The following RIGI variants were observed in gnomAD, a reference collection of about 807,000 sequenced individuals.
RIGI encodes antiviral innate immune response receptor RIG-I.
the RIGI span, among the ~76,000 whole-genome samples, chr9:32,507,490 TAAAC>T: frequency 6.6e-6 from 1 of 152,308 alleles, no homozygotes; most frequent in Non-Finnish European, 1.5e-5. Context: ...TAATATTTAA[TAAAC>T]AAAGATTTAT....
At chr9:32,459,538 A>T in the RIGI span, 1 of 1,598,554 alleles carries the variant, frequency 6.3e-7, no homozygotes, top group Admixed American at 1.8e-5. Context: ...AAAGACCGCA[A>T]ATGTAATTTG....
At chr9:32,483,511 C>T in the RIGI span, among the ~76,000 whole-genome samples, 1 of 152,174 alleles carries the variant, frequency 6.6e-6, no homozygotes, top group East Asian at 1.9e-4. Flanking sequence ...CACCGTCTCT[C>T]CATCCTTCTG....
chr9:32,490,847 C>T, the RIGI span, among the ~76,000 whole-genome samples: 2,264 of 152,284 alleles, frequency 0.015, 74 homozygotes, highest in African/African-American at 0.053. Flanking sequence ...TGGATCTCAG[C>T]CCCTACTCAA....
At chr9:32,489,273 T>C in the RIGI span, 1 of 1,060,656 alleles carries the variant, frequency 9.4e-7, no homozygotes, top group Non-Finnish European at 1.4e-6. Context: ...GCCCATTCTG[T>C]CCCAGTATTC....
chr9:32,457,844 G>T, the RIGI span, among the ~76,000 whole-genome samples: 1 of 152,296 alleles, frequency 6.6e-6, no homozygotes, highest in Admixed American at 6.5e-5. Context: ...GAAGGTCAGG[G>T]ACTAATGTGT....
chr9:32,502,705 C>T, the RIGI span, among the ~76,000 whole-genome samples: 1 of 152,320 alleles, frequency 6.6e-6, no homozygotes, highest in East Asian at 1.9e-4. Context: ...ATTCCTTGCC[C>T]TTCCGGTTTC....
chr9:32,479,019 C>A, the RIGI span, among the ~76,000 whole-genome samples: 1 of 152,202 alleles, frequency 6.6e-6, no homozygotes, highest in Admixed American at 6.5e-5. Context: ...GCATCACTGG[C>A]AAACGAGTGA....
At chr9:32,458,487 C>T in the RIGI span, among the ~76,000 whole-genome samples, 1 of 152,152 alleles carries the variant, frequency 6.6e-6, no homozygotes, top group Non-Finnish European at 1.5e-5. Flanking sequence ...TTTCTCTTGA[C>T]AATGACAATG....
At chr9:32,470,545 CAA>C in the RIGI span, among the ~76,000 whole-genome samples, 3 of 152,070 alleles carry the variant, frequency 2.0e-5, no homozygotes, top group Non-Finnish European at 4.4e-5. Context: ...ATTCTCAGCT[CAA>C]GAGTCATTCA....
chr9:32,478,989 A>G, the RIGI span, among the ~76,000 whole-genome samples: 1 of 152,244 alleles, frequency 6.6e-6, no homozygotes, highest in Non-Finnish European at 1.5e-5. Context: ...ACTATTATAC[A>G]GTTCAGCAAA....
chr9:32,514,599 T>G, the RIGI span, among the ~76,000 whole-genome samples: 54 of 152,146 alleles, frequency 3.5e-4, no homozygotes, highest in African/African-American at 1.3e-3. Flanking sequence ...AGGGGAGGGA[T>G]AGCATTAGAA....
At chr9:32,508,239 A>ATTTTTTTT in the RIGI span, among the ~76,000 whole-genome samples, 66 of 70,350 alleles carry the variant, frequency 9.4e-4, 9 homozygotes, top group Admixed American at 2.6e-3. Context: ...TATTTACTTA[A>ATTTTTTTT]TTTTTTTTTT....
At chr9:32,469,048 A>T in the RIGI span, among the ~76,000 whole-genome samples, 4 of 152,220 alleles carry the variant, frequency 2.6e-5, no homozygotes, top group South Asian at 2.1e-4. Context: ...TCATCAATGG[A>T]CCAGATAAGG....
the RIGI span, among the ~76,000 whole-genome samples, chr9:32,515,883 A>C: frequency 3.2e-4 from 49 of 151,694 alleles, no homozygotes; most frequent in African/African-American, 1.1e-3. Context: ...CCTTGCCCAC[A>C]TATGTGGCAC....
At chr9:32,484,442 A>T in the RIGI span, among the ~76,000 whole-genome samples, 2 of 152,194 alleles carry the variant, frequency 1.3e-5, no homozygotes, top group East Asian at 3.9e-4. Flanking sequence ...AAAACCTTGT[A>T]CCTGCCAAGG....
the RIGI span, chr9:32,526,113 C>A: frequency 6.2e-7 from 1 of 1,613,968 alleles, no homozygotes; most frequent in Non-Finnish European, 8.5e-7. Context: ...GGTCCAGGGT[C>A]TTCCGGATAT....
chr9:32,492,533 G>A, the RIGI span: 2 of 1,614,064 alleles, frequency 1.2e-6, no homozygotes, highest in Middle Eastern at 1.6e-4. Flanking sequence ...CCTTAGTAGA[G>A]CAAATCTAAG....
At chr9:32,488,320 T>C in the RIGI span, 1 of 1,122,038 alleles carries the variant, frequency 8.9e-7, no homozygotes, top group Non-Finnish European at 1.3e-6. Flanking sequence ...AAAAGAAGAA[T>C]AGCTGTAGGC....
the RIGI span, among the ~76,000 whole-genome samples, chr9:32,523,132 T>A: frequency 1.3e-5 from 2 of 152,314 alleles, no homozygotes; most frequent in East Asian, 3.9e-4. Flanking sequence ...GTCAGGGAGA[T>A]GGATTTGAGA....
Sources: allele counts gnomAD v4.1 joint callset (sites outside exome capture counted in the v4.1 genomes callset), GRCh38; gene constraint gnomAD v4.1.1; transcripts MANE v1.5; gene names NCBI Gene and HGNC (gene_info 2026-07-23, HGNC 2026-07-21).